Variants in DOCK9 observed in about 807,000 individuals in gnomAD.
DOCK9 encodes dedicator of cytokinesis 9, also known as dedicator of cytokinesis protein 9.
A neutral mutation model predicts 263.3 loss-of-function variants in DOCK9; 89 were observed. That is an observed-to-expected ratio of 0.34 (90% CI 0.28 to 0.40). The LOEUF (loss-of-function observed/expected upper bound fraction) is 0.40, where lower values mean the gene tolerates loss of function less well. Ranked by LOEUF, DOCK9 falls within the 10% of genes least tolerant of loss-of-function variation. The pLI, the probability that DOCK9 is intolerant of heterozygous loss-of-function variation, is 1.00. For missense variants in DOCK9, 2,140 were observed against 2,603.4 expected, an observed-to-expected ratio of 0.82 and a Z score of 3.87; for synonymous variants, 976 against 973.1, an observed-to-expected ratio of 1.00 and a Z score of -0.06.
At chr13:98,861,717 A>T (rs1818436881) in intron 32 of DOCK9, among the ~76,000 whole-genome samples, 1 of 152,264 alleles carries the variant, frequency 6.6e-6, no homozygotes, top group Non-Finnish European at 1.5e-5. Flanking sequence ...CCAGAGACTG[A>T]GTAAAAAAGA....
intron 18 of DOCK9, among the ~76,000 whole-genome samples, chr13:98,887,711 C>T (rs1163177892): frequency 6.6e-6 from 1 of 150,826 alleles, no homozygotes; most frequent in Admixed American, 6.6e-5. Context: ...TAGAGCAGTG[C>T]CTGGAGTACA....
At chr13:98,978,170 C>T (rs1368385344), upstream of DOCK9, 13 of 1,214,580 alleles carry the variant, frequency 1.1e-5, no homozygotes, top group Non-Finnish European at 9.7e-6. Flanking sequence ...AAACTCCAAG[C>T]TGAACAATAC....
At chr13:98,866,564 T>C (rs1188280039) in intron 30 of DOCK9, among the ~76,000 whole-genome samples, 2 of 152,198 alleles carry the variant, frequency 1.3e-5, no homozygotes, top group Non-Finnish European at 2.9e-5. Flanking sequence ...GAGCTATTGC[T>C]TGACAGACCT....
At chr13:98,860,686 T>G in intron 32 of DOCK9, among the ~76,000 whole-genome samples, 164 bp from the exon 33 acceptor site, 3 of 43,974 alleles carry the variant, frequency 6.8e-5, no homozygotes, top group South Asian at 8.0e-4. Flanking sequence ...GGGTGGAGGG[T>G]GGGATGGGTC....
chr13:99,060,726 A>C (rs148548002), intron 1 of DOCK9, among the ~76,000 whole-genome samples: 10 of 152,240 alleles, frequency 6.6e-5, no homozygotes, highest in African/African-American at 2.4e-4. Context: ...GGCACCCCAC[A>C]CATCTGCAGT....
chr13:99,077,722 T>C (rs991943760), intron 1 of DOCK9, among the ~76,000 whole-genome samples: 1 of 152,152 alleles, frequency 6.6e-6, no homozygotes, highest in South Asian at 2.1e-4. Context: ...GGACTGTACT[T>C]CCCTGCTCCT....
In DOCK9 at chr13:98,860,433, CTTGTGCAGGCTG is replaced by C; in HGVS notation, c.3657_3668del (p.Asn1219_His1222del). ...TGCCGGAGATGGCGCCCAGCAGGTC[CTTGTGCAGGCTG>C]TTGTCCAGGGTGCTTCCCTTCTGCG... On this transcript the variant is annotated inframe_deletion, in exon 33 of 53. Transcript: ENST00000682017. The C allele has an allele frequency of 6.3e-7, 1 of 1,592,890 alleles. No individual in the cohort carries two copies. The highest frequency in any genetic ancestry group is 8.6e-7 in the Non-Finnish European group (1 of 1,168,738).
At chr13:98,899,775 G>A (rs1326218307) in intron 13 of DOCK9, among the ~76,000 whole-genome samples, 1 of 152,210 alleles carries the variant, frequency 6.6e-6, no homozygotes, top group Admixed American at 6.5e-5. Flanking sequence ...TTTCTGCAGT[G>A]AATGAGGACT....
rs1371573049 is a variant in DOCK9, at chr13:98,870,399, TCTATATCCTGAGATGA to T, written c.2944-2038_2944-2023del. Among the ~76,000 whole-genome samples the T allele has an allele frequency of 2.0e-5, 3 of 152,218 alleles. No homozygotes were observed. The East Asian group carries it at 5.8e-4, about 29-fold the overall frequency. ...TTGTTGCATATGTGCCACCAATAACTCTATATCCTGAGATGACAGCATCAATAGATGACCAATTTCC... is the reference window on the plus strand; with the variant it reads ...TTGTTGCATATGTGCCACCAATAACTCAGCATCAATAGATGACCAATTTCC... On this transcript the variant is annotated intron_variant, in intron 27 of 52. Transcript: ENST00000682017.
rs544786712 is a variant in DOCK9 at position 98,796,574 on chromosome 13, T to C, written c.6156+541A>G. ...ACTGAAGAAACCCACAGGAAAGAGATAACAGCAAAATAATCAGGGAAGATG... is the reference window on the plus strand; with the variant it reads ...ACTGAAGAAACCCACAGGAAAGAGACAACAGCAAAATAATCAGGGAAGATG... On this transcript the variant is annotated intron_variant, in intron 52 of 52. Transcript: ENST00000682017. 1.1e-4 allele frequency among the ~76,000 whole-genome samples: 17 copies of C among 152,242 alleles called. No individual in the cohort carries two copies. The East Asian group carries it at 3.1e-3, about 28-fold the overall frequency.
chr13:98,876,359 C>T (rs1448999269), intron 27 of DOCK9, among the ~76,000 whole-genome samples: 3 of 152,140 alleles, frequency 2.0e-5, no homozygotes, highest in Non-Finnish European at 2.9e-5. Flanking sequence ...GGCGTGGTAG[C>T]GCATGACTGT....
At chr13:98,888,822 A>C (rs2046196299) in intron 15 of DOCK9, 111 bp from the exon 16 acceptor site, 4 of 886,844 alleles carry the variant, frequency 4.5e-6, no homozygotes, top group Admixed American at 2.5e-5. Context: ...GACAATTTTA[A>C]ACATTCTAGT....
chr13:98,817,234 G>A (rs539885406), intron 45 of DOCK9, among the ~76,000 whole-genome samples: 3 of 152,204 alleles, frequency 2.0e-5, no homozygotes, highest in Admixed American at 2.0e-4. Context: ...TAAGATTGGG[G>A]TTTTTTGTTT....
chr13:98,957,947 GGCA>G (rs2058242129), intron 1 of DOCK9, among the ~76,000 whole-genome samples: 1 of 152,178 alleles, frequency 6.6e-6, no homozygotes, highest in Non-Finnish European at 1.5e-5. Flanking sequence ...CACAGGCACA[GGCA>G]CAGGCTGGGC....
At chr13:99,082,819 G>A (rs1274579623) in intron 1 of DOCK9, among the ~76,000 whole-genome samples, 1 of 152,152 alleles carries the variant, frequency 6.6e-6, no homozygotes, top group Non-Finnish European at 1.5e-5. Flanking sequence ...TGAAGAAACT[G>A]AGCCCCAACA....
At chr13:98,961,975 T>C (rs1283807174) in intron 1 of DOCK9, among the ~76,000 whole-genome samples, 1 of 152,210 alleles carries the variant, frequency 6.6e-6, no homozygotes, top group Non-Finnish European at 1.5e-5. Context: ...CCAAACTGCA[T>C]TGCTCATGTA....
chr13:99,015,512 C>T, intron 1 of DOCK9: 1 of 1,598,218 alleles, frequency 6.3e-7, no homozygotes, highest in East Asian at 2.2e-5. Flanking sequence ...TATTCAAGGG[C>T]ATTATTCTCT....
intron 32 of DOCK9, 137 bp from the exon 33 acceptor site, chr13:98,860,659 C>T: frequency 1.5e-6 from 1 of 678,800 alleles, no homozygotes; most frequent in Admixed American, 3.1e-5. Context: ...GGAGGAGTAG[C>T]CTTGAGGCGT....
At position 98,817,650 on chromosome 13, in the gene DOCK9, G is replaced by A. The variant is rs576450019; in HGVS notation, c.5130+6748C>T. On this transcript the variant is annotated intron_variant, in intron 45 of 52. Coordinates refer to ENST00000682017, the MANE Select transcript of DOCK9 (RefSeq NM_001366683.2). ...TCTTGTGTAGTCAAATTATAAATAA[G>A]TGAATAGTTTAATAACAACAAAACC... is the stretch of plus-strand genomic sequence containing the variant. Among the ~76,000 whole-genome samples the A allele has an allele frequency of 6.6e-5, 10 of 151,310 alleles. No individual in the cohort carries two copies. In the South Asian group the frequency reaches 2.1e-3, roughly 31 times the overall value.
Sources: allele counts gnomAD v4.1 joint callset (sites outside exome capture counted in the v4.1 genomes callset), GRCh38; gene constraint gnomAD v4.1.1; transcripts MANE v1.5; gene names NCBI Gene and HGNC (gene_info 2026-07-23, HGNC 2026-07-21).